Variants in RNF213 observed in about 807,000 individuals in gnomAD.
RNF213 encodes the protein E3 ubiquitin-protein ligase RNF213.
Under a neutral mutation model 514.4 loss-of-function variants are expected in RNF213, and 341 were observed. That is an observed-to-expected ratio of 0.66 (90% CI 0.61 to 0.73). The LOEUF (loss-of-function observed/expected upper bound fraction) is 0.73, where lower values mean the gene tolerates loss of function less well. Among genes scored for constraint, RNF213 ranks in the 30% least tolerant of loss-of-function variants. The probability of loss-of-function intolerance (pLI) is 0.00; values close to 1 mark genes in which losing one functional copy is unlikely to be tolerated. For synonymous variants in RNF213, 2,655 were observed against 2,658.2 expected, an observed-to-expected ratio of 1.00 and a Z score of 0.04; for missense variants, 5,767 against 6,615.6, an observed-to-expected ratio of 0.87 and a Z score of 4.45.
In RNF213 at chr17:80,288,562, C is replaced by A; in HGVS notation, c.811-71C>A. 6.2e-7 allele frequency: 1 copy of A among 1,613,538 alleles called. No homozygotes were observed. Among genetic ancestry groups the A allele is most frequent in the Non-Finnish European group, 8.5e-7 (1 of 1,179,894 alleles). On this transcript the variant is annotated intron_variant, in intron 4 of 67. Transcript: ENST00000582970. This position sits in a 1 kb window ranked among gnomAD's most constrained non-coding sequence, Gnocchi z 4.9. The stretch of plus-strand genomic sequence containing the variant: ...CCCTCGGCTTGTGGCAGATGCTGCC[C>A]CTTAAACCATTGAGTCGGAGTCACC...
chr17:80,333,985 C>A, intron 21 of RNF213, 120 bp from the exon 22 acceptor site: 1 of 1,122,102 alleles, frequency 8.9e-7, no homozygotes, highest in Non-Finnish European at 1.3e-6. Flanking sequence ...GTTGTCACAG[C>A]AGTGGCAAAT....
At chr17:80,365,589 T>C (rs1481823773) in intron 42 of RNF213, among the ~76,000 whole-genome samples, 2 of 152,190 alleles carry the variant, frequency 1.3e-5, no homozygotes, top group East Asian at 3.9e-4. Context: ...TCGTGTCTCG[T>C]GGTCCTAAAC....
intron 3 of RNF213, among the ~76,000 whole-genome samples, chr17:80,276,093 T>TTTA (rs371238281): frequency 0.029 from 4,353 of 150,430 alleles, 195 homozygotes; most frequent in African/African-American, 0.098. Flanking sequence ...TTATTTTTTG[T>TTTA]TTTATTTATT....
intron 16 of RNF213, among the ~76,000 whole-genome samples, chr17:80,318,787 A>C (rs2046035431): frequency 6.6e-6 from 1 of 151,980 alleles, no homozygotes; most frequent in South Asian, 2.1e-4. Flanking sequence ...GTTAGCCAGG[A>C]TGGTCTCGAT....
intron 3 of RNF213, among the ~76,000 whole-genome samples, chr17:80,281,119 A>C (rs1374791119): frequency 2.4e-5 from 2 of 82,892 alleles, no homozygotes; most frequent in Admixed American, 1.6e-4. Flanking sequence ...CACTCACACC[A>C]CTCACACACA....
At chr17:80,313,853 G>A (rs2045693654) in intron 15 of RNF213, among the ~76,000 whole-genome samples, 1 of 132,932 alleles carries the variant, frequency 7.5e-6, no homozygotes, top group African/African-American at 3.2e-5. Context: ...AGGTACTGGA[G>A]GTGATGGTGG....
intron 42 of RNF213, among the ~76,000 whole-genome samples, chr17:80,367,138 T>C (rs1016784439): frequency 6.6e-6 from 1 of 152,186 alleles, no homozygotes. Flanking sequence ...AGAGAATGAG[T>C]TGCAGAAGCC....
chr17:80,380,998 G>T lies in RNF213; in HGVS notation c.13797+11G>T. ...TCCCAGAGTTCCCAGGTATAACCCA[G>T]TGCTGCCAAACAATGGGCTCAGTTA... On this transcript the variant is annotated intron_variant, in intron 56 of 67. Coordinates refer to ENST00000582970, the MANE Select transcript of RNF213 (RefSeq NM_001256071.3). The T allele has an allele frequency of 3.1e-6, 5 of 1,614,076 alleles. No homozygotes were observed. Among genetic ancestry groups the T allele is most frequent in the Non-Finnish European group, 4.2e-6 (5 of 1,179,940 alleles).
At position 80,296,866 on chromosome 17, in the gene RNF213, G is replaced by C. The variant is rs559989637; in HGVS notation, c.2012+1053G>C. On this transcript the variant is annotated intron_variant, in intron 10 of 67. Transcript: ENST00000582970. ...CCAGCTAATTTTTGTATTTATTGTA[G>C]AGACGGGGTTTCACCATGTTGCCAC... 3.3e-5 allele frequency among the ~76,000 whole-genome samples: 5 copies of C among 151,988 alleles called. No individual in the cohort carries two copies. In the East Asian group the frequency reaches 9.9e-4, roughly 30 times the overall value.
intron 32 of RNF213, 24 bp downstream of exon 32, chr17:80,351,827 G>A (rs745450416): frequency 7.6e-6 from 9 of 1,184,070 alleles, no homozygotes; most frequent in Admixed American, 1.7e-5. Context: ...ATCAGTCAGG[G>A]TATTTATTTA....
intron 36 of RNF213, chr17:80,355,219 T>C (rs542374260): frequency 4.4e-6 from 2 of 456,060 alleles, no homozygotes; most frequent in Admixed American, 4.7e-5. Context: ...GACTCCTCCA[T>C]GAGTCCCCTT....
At position 80,348,402 on chromosome 17, in the gene RNF213, C is replaced by G; in HGVS notation, c.9951+116C>G. ...CGGTTAGGGATCCTGCAGGGAGATG[C>G]TGAGACGCTGAGCTCTCCTCCGCGG... On this transcript the variant is annotated intron_variant, in intron 29 of 67. Coordinates refer to ENST00000582970, the MANE Select transcript of RNF213 (RefSeq NM_001256071.3). 3.6e-6 allele frequency: 5 copies of G among 1,406,652 alleles called. No homozygotes were observed. In the South Asian group the frequency reaches 5.8e-5, roughly 16 times the overall value. The allele number at this position is 1,406,652 out of a possible 1,614,324, so 87.1% of individuals were successfully genotyped here.
At chr17:80,382,303 T>TTA (rs1330419497) in intron 57 of RNF213, 2 of 156,868 alleles carry the variant, frequency 1.3e-5, no homozygotes, top group African/African-American at 4.8e-5. Flanking sequence ...GGTTATATGG[T>TTA]TATCTGTGAG....
chr17:80,317,690 T>C lies in RNF213; in HGVS notation c.2901+413T>C, dbSNP rs1379263674. 6.6e-6 allele frequency among the ~76,000 whole-genome samples: 1 copy of C among 152,164 alleles called. No individual in the cohort carries two copies. Among genetic ancestry groups the C allele is most frequent in the East Asian group, 1.9e-4 (1 of 5,190 alleles). On this transcript the variant is annotated intron_variant, in intron 16 of 67. Transcript: ENST00000582970. The surrounding 1 kb of genome is among the most constrained non-coding windows in gnomAD (Gnocchi z 4.1). Reference sequence around the variant, plus strand: ...TGCAGGCCCTGCAGCAGTGCCCAGATTGAGGTGCCTGCAACCCCCGAAGCT... The same window carrying C: ...TGCAGGCCCTGCAGCAGTGCCCAGACTGAGGTGCCTGCAACCCCCGAAGCT...
intron 20 of RNF213, among the ~76,000 whole-genome samples, chr17:80,330,610 A>G (rs1379465817): frequency 1.3e-5 from 2 of 152,044 alleles, no homozygotes; most frequent in African/African-American, 4.8e-5. Flanking sequence ...TCCCCCTGAG[A>G]TTGGATAATT....
rs1284289686 is a variant in RNF213, at chr17:80,353,015, A to G, written c.10379A>G (p.His3460Arg). 3.1e-6 allele frequency: 5 copies of G among 1,613,782 alleles called. No individual in the cohort carries two copies. Among genetic ancestry groups the G allele is most frequent in the African/African-American group, 1.3e-5 (1 of 75,052 alleles). ...LMVSDVTRLQ[H>R]VTISQLFAPG... ...GTTTCTGATGTGACCAGGCTGCAGC[A>G]TGTCACCATCAGCCAGCTGTTCGCG... The change falls in exon 33 of 68, where the codon CAT (histidine) becomes CGT (arginine). Residue 3460 changes from histidine to arginine, a missense_variant. Transcript: ENST00000582970. This position sits in a 1 kb window ranked among gnomAD's most constrained non-coding sequence, Gnocchi z 5.0.
intron 35 of RNF213, 64 bp downstream of exon 35, chr17:80,354,230 CATTTCACTGTGTGTTGGGGGACACCCT>C (rs2078645589): frequency 6.3e-7 from 1 of 1,575,534 alleles, no homozygotes; most frequent in Non-Finnish European, 8.7e-7. Flanking sequence ...GAGTGGGCAT[CATTTCACTGTGTGTTGGGGGACACCCT>C]CTCAGGTTTC....
intron 65 of RNF213, 58 bp downstream of exon 65, chr17:80,389,425 C>T: frequency 6.7e-7 from 1 of 1,502,342 alleles, no homozygotes; most frequent in Admixed American, 1.8e-5. Flanking sequence ...CTCCTGCTTC[C>T]CGCGAGGGAT....
chr17:80,284,977 G>T (rs2044421260), intron 3 of RNF213, among the ~76,000 whole-genome samples: 1 of 152,174 alleles, frequency 6.6e-6, no homozygotes, highest in South Asian at 2.1e-4. Context: ...CTGCCCTTGG[G>T]GCTAGAGTAA....
Sources: allele counts gnomAD v4.1 joint callset (sites outside exome capture counted in the v4.1 genomes callset), GRCh38; gene constraint gnomAD v4.1.1; non-coding constraint Gnocchi (gnomAD v3.1); transcripts MANE v1.5; gene names NCBI Gene and HGNC (gene_info 2026-07-23, HGNC 2026-07-21).